The following PARD3B variants were observed in gnomAD, a reference collection of about 807,000 sequenced individuals.
PARD3B encodes the protein partitioning defective 3 homolog B.
A neutral mutation model predicts 130.2 loss-of-function variants in PARD3B; 103 were observed. The observed-to-expected ratio is 0.79, with a 90% CI of 0.67 to 0.93. The LOEUF is 0.93. Among genes scored for constraint, PARD3B ranks in the 40% least tolerant of loss-of-function variants. The pLI, the probability that PARD3B is intolerant of heterozygous loss-of-function variation, is 0.00. For synonymous variants in PARD3B, 583 were observed against 553.2 expected (o/e 1.05, Z -0.76); for missense variants, 1,609 against 1,499.2 (o/e 1.07, Z -1.21).
At position 205,396,924 on chromosome 2, in the gene PARD3B, A is replaced by T. The variant is rs73065012; in HGVS notation, c.2631-4089A>T. On this transcript the variant is annotated intron_variant, in intron 18 of 22. Transcript: ENST00000406610. ...ATTCCTCTTTCTATATCTCAGTAAA[A>T]GTAAGAGTGGCTGTGAAATGATCCC... 4.6e-3 allele frequency among the ~76,000 whole-genome samples: 698 copies of T among 152,302 alleles called. 8 individuals are homozygous for T. The highest frequency in any genetic ancestry group is 0.016 in the African/African-American group (660 of 41,570).
intron 1 of PARD3B, among the ~76,000 whole-genome samples, chr2:204,572,126 A>G (rs2032038101): frequency 6.6e-6 from 1 of 152,236 alleles, no homozygotes; most frequent in South Asian, 2.1e-4. Context: ...CAGAAGTGAC[A>G]GTGGTCAGTT....
In PARD3B at chr2:205,179,648, G is replaced by A. The variant is rs552490271; in HGVS notation, c.1924+3071G>A. Among the ~76,000 whole-genome samples the A allele has an allele frequency of 5.3e-4, 81 of 152,294 alleles. 1 individual carries two copies. In the South Asian group the frequency reaches 0.012, roughly 22 times the overall value. ...AGTAAGCTAATCCTTCTAGGTTTGAGTAAGTACACTATGATGTTGATGCAA... is the reference window on the plus strand; with the variant it reads ...AGTAAGCTAATCCTTCTAGGTTTGAATAAGTACACTATGATGTTGATGCAA... On this transcript the variant is annotated intron_variant, in intron 13 of 22. Transcript: ENST00000406610.
intron 2 of PARD3B, among the ~76,000 whole-genome samples, chr2:204,695,121 A>C (rs2037548033): frequency 6.6e-6 from 1 of 152,160 alleles, no homozygotes; most frequent in East Asian, 1.9e-4. Flanking sequence ...GTCAATGAAC[A>C]CTTTCATCTT....
intron 10 of PARD3B, among the ~76,000 whole-genome samples, chr2:205,141,977 A>G (rs1407229645): frequency 1.3e-5 from 2 of 152,216 alleles, no homozygotes; most frequent in Non-Finnish European, 2.9e-5. Flanking sequence ...TGTACCATAC[A>G]CTTGTTCTTA....
intron 1 of PARD3B, among the ~76,000 whole-genome samples, chr2:204,550,412 C>CTGTGTGTGTG (rs3051346): frequency 0.015 from 2,176 of 144,344 alleles, 28 homozygotes; most frequent in South Asian, 0.035. Flanking sequence ...GGAGGGCTGA[C>CTGTGTGTGTG]TGTGTGTGTG....
chr2:204,636,915 T>C (rs993907965), intron 1 of PARD3B, among the ~76,000 whole-genome samples: 9 of 152,174 alleles, frequency 5.9e-5, no homozygotes, highest in African/African-American at 2.2e-4. Context: ...TCTTCATATA[T>C]AGACTTATGG....
chr2:205,056,314 G>C (rs1559395191), intron 4 of PARD3B, among the ~76,000 whole-genome samples: 1 of 151,940 alleles, frequency 6.6e-6, no homozygotes, highest in East Asian at 1.9e-4. Flanking sequence ...GTTTAAAAGA[G>C]TTTTATTTCT....
intron 3 of PARD3B, among the ~76,000 whole-genome samples, chr2:205,005,488 G>T (rs1334177285): frequency 1.3e-5 from 2 of 152,122 alleles, no homozygotes; most frequent in African/African-American, 2.4e-5. Context: ...GTGAATAATT[G>T]TCTAGAGACT....
At chr2:204,783,129 T>A (rs1441315767) in intron 2 of PARD3B, among the ~76,000 whole-genome samples, 1 of 152,144 alleles carries the variant, frequency 6.6e-6, no homozygotes, top group East Asian at 1.9e-4. Flanking sequence ...GCAACTTGAT[T>A]TGTCTTTCAA....
intron 3 of PARD3B, among the ~76,000 whole-genome samples, chr2:204,987,416 T>C (rs546945068): frequency 3.3e-5 from 5 of 152,354 alleles, no homozygotes; most frequent in South Asian, 2.1e-4. Context: ...ATATTTCTTA[T>C]GGTATTACCT....
chr2:204,640,206 T>C (rs906299002), intron 1 of PARD3B, among the ~76,000 whole-genome samples: 7 of 152,058 alleles, frequency 4.6e-5, no homozygotes, highest in Non-Finnish European at 8.8e-5. Flanking sequence ...CAGTGAGCAG[T>C]GATCGCACCA....
At chr2:204,854,271 G>T (rs897313215) in intron 2 of PARD3B, among the ~76,000 whole-genome samples, 1 of 152,168 alleles carries the variant, frequency 6.6e-6, no homozygotes, top group African/African-American at 2.4e-5. Flanking sequence ...AAGTAGTGCT[G>T]TTCAGTAAGA....
intron 15 of PARD3B, among the ~76,000 whole-genome samples, chr2:205,209,809 AT>A (rs2037524323): frequency 6.6e-6 from 1 of 151,990 alleles, no homozygotes; most frequent in Admixed American, 6.6e-5. Flanking sequence ...ATAAAAAAAA[AT>A]TAGAATGAAT....
chr2:205,349,134 A>G (rs1425037611), intron 18 of PARD3B, among the ~76,000 whole-genome samples: 1 of 152,200 alleles, frequency 6.6e-6, no homozygotes, highest in Non-Finnish European at 1.5e-5. Context: ...GTCCTTTATT[A>G]ATAAATGATG....
intron 11 of PARD3B, among the ~76,000 whole-genome samples, chr2:205,166,920 G>A (rs1370409134): frequency 6.6e-6 from 1 of 152,126 alleles, no homozygotes; most frequent in Non-Finnish European, 1.5e-5. Flanking sequence ...GCCAACATCT[G>A]GTCATGATTA....
intron 22 of PARD3B, among the ~76,000 whole-genome samples, chr2:205,566,511 G>A (rs2053338944): frequency 6.6e-6 from 1 of 152,172 alleles, no homozygotes; most frequent in South Asian, 2.1e-4. Flanking sequence ...CAGCATGGGT[G>A]CTGGTCCCAC....
intron 1 of PARD3B, among the ~76,000 whole-genome samples, chr2:204,601,910 G>A (rs1362418628): frequency 3.3e-5 from 5 of 151,976 alleles, no homozygotes; most frequent in South Asian, 2.1e-4. Flanking sequence ...GTTGATATAA[G>A]CTGTTTGTGT....
chr2:204,882,170 G>A (rs1007049867), intron 2 of PARD3B, among the ~76,000 whole-genome samples: 1 of 152,164 alleles, frequency 6.6e-6, no homozygotes. Flanking sequence ...TTCTAAACTG[G>A]ATATAACAAG....
intron 1 of PARD3B, among the ~76,000 whole-genome samples, chr2:204,600,706 G>A (rs531532942): frequency 6.6e-6 from 1 of 151,968 alleles, no homozygotes; most frequent in East Asian, 1.9e-4. Flanking sequence ...TAAAGTAGAA[G>A]TGATAAGGTT....
Sources: gnomAD v4.1 joint callset for allele counts (sites outside exome capture counted in the v4.1 genomes callset) on GRCh38, gnomAD v4.1.1 for gene constraint, MANE v1.5 for transcripts, NCBI Gene and HGNC (gene_info 2026-07-23, HGNC 2026-07-21) for gene names.